CFAP251: variants seen among roughly 807,000 people sequenced by gnomAD.
The protein encoded by CFAP251 is cilia and flagella associated protein 251, also known as cilia- and flagella-associated protein 251.
Under a neutral mutation model 126.7 loss-of-function variants are expected in CFAP251, and 93 were observed. That is an observed-to-expected ratio of 0.73 (90% CI 0.62 to 0.87). CFAP251 has a LOEUF of 0.87. Ranked by LOEUF, CFAP251 falls within the 40% of genes least tolerant of loss-of-function variation. The pLI, the probability that CFAP251 is intolerant of heterozygous loss-of-function variation, is 0.00. For missense variants in CFAP251, 1,287 were observed against 1,389.2 expected, an observed-to-expected ratio of 0.93 and a Z score of 1.17; for synonymous variants, 503 against 506.9, an observed-to-expected ratio of 0.99 and a Z score of 0.10.
chr12:121,956,742 C>T (rs1467580768), intron 10 of CFAP251, among the ~76,000 whole-genome samples: 7 of 152,126 alleles, frequency 4.6e-5, no homozygotes, highest in African/African-American at 1.2e-4. Flanking sequence ...GTGATCCACC[C>T]GACTTGGCCT....
At chr12:121,994,171 C>T (rs1475455656) in intron 19 of CFAP251, among the ~76,000 whole-genome samples, 24 of 70,672 alleles carry the variant, frequency 3.4e-4, no homozygotes, top group East Asian at 1.1e-3. Context: ...TCAGCCCCCC[C>T]GCCCGGCCAG....
At chr12:121,924,784 T>G (rs552792935) in intron 3 of CFAP251, among the ~76,000 whole-genome samples, 92 of 152,322 alleles carry the variant, frequency 6.0e-4, no homozygotes, top group African/African-American at 2.1e-3. Flanking sequence ...CACGTGTGAC[T>G]GAACATGAAC....
intron 7 of CFAP251, 185 bp from the exon 8 acceptor site, chr12:121,948,799 A>C: frequency 2.2e-6 from 1 of 449,746 alleles, no homozygotes; most frequent in Non-Finnish European, 3.9e-6. Context: ...AACACATTTG[A>C]CACTGTTTAT....
intron 17 of CFAP251, chr12:121,969,832 G>A: frequency 2.0e-6 from 2 of 985,328 alleles, no homozygotes; most frequent in Non-Finnish European, 2.4e-6. Context: ...GATCTGGAAT[G>A]GTAGAAATTT....
At chr12:121,927,915 AAT>A (rs1409889395) in intron 3 of CFAP251, among the ~76,000 whole-genome samples, 1 of 152,244 alleles carries the variant, frequency 6.6e-6, no homozygotes, top group African/African-American at 2.4e-5. Flanking sequence ...TTTCCAGATT[AAT>A]ATGTTTTAGA....
Position 121,968,074 on chromosome 12 carries a change from CG to C in CFAP251, c.2680del (p.Val894TrpfsTer30). The C allele has an allele frequency of 6.2e-7, 1 of 1,613,618 alleles. No homozygotes were observed. Among genetic ancestry groups the C allele is most frequent in the South Asian group, 1.1e-5 (1 of 91,030 alleles). On this transcript the variant is annotated frameshift_variant, in exon 17 of 22. Coordinates refer to ENST00000288912, the MANE Select transcript of CFAP251 (RefSeq NM_144668.6). LOFTEE classifies it high-confidence loss of function. ...KTSAIVCHPNGVAGMAVSYDG... is the reference protein window; with the variant it reads ...KTSAIVCHPNXVAGMAVSYDG... ...CATCTGCTATTGTTTGCCACCCGAA[CG>C]GGGTGGCCGGCATGGCCGTTTCCTA...
chr12:121,954,186 T>G lies in CFAP251; in HGVS notation c.1387T>G (p.Ser463Ala), dbSNP rs1881630993. ...IFHLNLTQIL[S>A]ATMEGKLVVW... ...TCACTTGAATTTAACACAAATACTC[T>G]CAGCCACAATGGAAGGGAAGCTGGT... is the stretch of plus-strand genomic sequence containing the variant. The change falls in exon 10 of 22, where the codon TCA becomes GCA. Residue 463 changes from serine to alanine, a missense_variant. By Grantham distance (99) the Ser-to-Ala change is moderately conservative (BLOSUM62 1). Coordinates refer to ENST00000288912, the MANE Select transcript of CFAP251 (RefSeq NM_144668.6). The G allele has an allele frequency of 3.1e-6, 5 of 1,614,066 alleles. No individual in the cohort carries two copies. The highest frequency in any genetic ancestry group is 3.4e-6 in the Non-Finnish European group (4 of 1,180,042).
chr12:121,951,395 T>G, intron 8 of CFAP251, 85 bp from the exon 9 acceptor site: 2 of 877,428 alleles, frequency 2.3e-6, no homozygotes, highest in East Asian at 2.6e-5. Context: ...TGTTTAGATG[T>G]ATTTGTTTTG....
At position 121,968,133 on chromosome 12, in the gene CFAP251, A is replaced by G; in HGVS notation, c.2735A>G (p.His912Arg). The change falls in exon 17 of 22, where the codon CAC (histidine) becomes CGC (arginine). Residue 912 changes from histidine to arginine, a missense_variant. By Grantham distance (29) the His-to-Arg change is conservative. Transcript: ENST00000288912. ...DGCYAFTAGGHDRSVVQWKIT... is the reference protein window; with the variant it reads ...DGCYAFTAGGRDRSVVQWKIT... ...TGCTACGCCTTCACTGCGGGAGGGC[A>G]CGATCGCTCGGTGGTGCAGTGGAAA... The G allele has an allele frequency of 1.2e-6, 2 of 1,611,578 alleles. No individual in the cohort carries two copies. Among genetic ancestry groups the G allele is most frequent in the Non-Finnish European group, 1.7e-6 (2 of 1,177,960 alleles).
At chr12:121,993,546 A>C (rs1469756727) in intron 19 of CFAP251, among the ~76,000 whole-genome samples, 14 of 132,416 alleles carry the variant, frequency 1.1e-4, no homozygotes, top group Middle Eastern at 3.9e-3. Context: ...AGCCGCCATC[A>C]CATCTAGGAA....
intron 3 of CFAP251, among the ~76,000 whole-genome samples, chr12:121,930,212 G>C (rs1880626045): frequency 1.3e-5 from 2 of 152,054 alleles, no homozygotes; most frequent in African/African-American, 4.8e-5. Context: ...CTTTGAGCTG[G>C]GCGCCGTTGC....
At position 121,948,999 on chromosome 12, in the gene CFAP251, A is replaced by G. The variant is rs1181930399; in HGVS notation, c.1207A>G (p.Asn403Asp). ...TATATTTCAGAACTACGTTACTTTT[A>G]ACCCAACAAATAATAAAGAATTGGT... Reference protein sequence around the residue: ...EYGVQNYVTFNPTNNKELVSN... With the variant: ...EYGVQNYVTFDPTNNKELVSN... The change falls in exon 8 of 22, where the codon AAC becomes GAC. Residue 403 changes from asparagine to aspartate, a missense_variant. Asn to Asp is a conservative substitution (Grantham distance 23). Coordinates refer to ENST00000288912, the MANE Select transcript of CFAP251 (RefSeq NM_144668.6). 6.3e-7 allele frequency: 1 copy of G among 1,579,054 alleles called. No homozygotes were observed. The highest frequency in any genetic ancestry group is 1.8e-5 in the Admixed American group (1 of 55,768).
intron 10 of CFAP251, 127 bp from the exon 11 acceptor site, chr12:121,956,947 C>T (rs897562620): frequency 1.2e-5 from 8 of 647,184 alleles, no homozygotes; most frequent in Middle Eastern, 4.3e-4. Context: ...AAATCATTCT[C>T]GTTGGGAGTA....
chr12:121,922,455 G>A (rs569911711), intron 2 of CFAP251, among the ~76,000 whole-genome samples: 1 of 152,258 alleles, frequency 6.6e-6, no homozygotes, highest in African/African-American at 2.4e-5. Context: ...TATGAGTGCA[G>A]TGAGTGAAAG....
chr12:121,937,287 G>A (rs892957832), intron 5 of CFAP251, among the ~76,000 whole-genome samples: 1 of 152,082 alleles, frequency 6.6e-6, no homozygotes, highest in African/African-American at 2.4e-5. Flanking sequence ...AATCTCTGCC[G>A]CCATCTTCCC....
At chr12:121,972,489 ATTT>A (rs1410124157) in intron 17 of CFAP251, among the ~76,000 whole-genome samples, 2 of 143,732 alleles carry the variant, frequency 1.4e-5, no homozygotes, top group Non-Finnish European at 1.5e-5. Flanking sequence ...TGGTAGAGTA[ATTT>A]TTTTTTTTTT....
chr12:121,928,626 G>GTGTATATATATATATATA (rs148145141), intron 3 of CFAP251, among the ~76,000 whole-genome samples: 6 of 43,188 alleles, frequency 1.4e-4, no homozygotes, highest in African/African-American at 6.0e-4. Context: ...ATGTATATGT[G>GTGTATATATATATATATA]TATATATATA....
rs780659231 is a variant in CFAP251 at position 121,942,599 on chromosome 12, C to A, written c.1064C>A (p.Thr355Asn). ...AATGGCATCATGGCCATGGCCATGA[C>A]CCACGACGCCAAGTATCTGGCAACC... ...EGNGIMAMAM[T>N]HDAKYLATIS... The change falls in exon 6 of 22, where the codon ACC (threonine) becomes AAC (asparagine). Residue 355 changes from threonine to asparagine, a missense_variant. Physicochemically the swap from Thr to Asn is moderately conservative, Grantham distance 65. Coordinates refer to ENST00000288912, the MANE Select transcript of CFAP251 (RefSeq NM_144668.6). 2 of 1,613,524 alleles carry A rather than the reference C, an allele frequency of 1.2e-6. No individual in the cohort carries two copies. The highest frequency in any genetic ancestry group is 1.7e-6 in the Non-Finnish European group (2 of 1,179,996).
intron 1 of CFAP251, among the ~76,000 whole-genome samples, chr12:121,919,210 T>C (rs779992823): frequency 1.3e-5 from 2 of 151,722 alleles, no homozygotes; most frequent in Non-Finnish European, 1.5e-5. Flanking sequence ...AATTAAGAAA[T>C]AGAAATACCT....
Sources: allele counts gnomAD v4.1 joint callset (sites outside exome capture counted in the v4.1 genomes callset), GRCh38; gene constraint gnomAD v4.1.1; transcripts MANE v1.5; gene names NCBI Gene and HGNC (gene_info 2026-07-23, HGNC 2026-07-21).